LIPA: variants seen among roughly 807,000 people sequenced by gnomAD.
LIPA encodes lipase A, lysosomal acid type.
In LIPA, 26 loss-of-function variants were observed where a neutral mutation model predicts 40.6. The ratio of observed to expected loss-of-function variants is 0.64; its 90% CI spans 0.47 to 0.89. The LOEUF (loss-of-function observed/expected upper bound fraction) is 0.89. Among genes scored for constraint, LIPA ranks in the 40% least tolerant of loss-of-function variants. The pLI is 0.00. For missense variants in LIPA, 455 were observed against 479.6 expected (o/e 0.95, Z 0.48); for synonymous variants, 188 against 168.4 (o/e 1.12, Z -0.90).
At position 89,246,610 on chromosome 10, in the gene LIPA, G is replaced by C. The variant is rs181215490; in HGVS notation, c.112-817C>G. On this transcript the variant is annotated intron_variant, in intron 2 of 9. Coordinates refer to ENST00000336233, the MANE Select transcript of LIPA (RefSeq NM_000235.4). ...TCTCTGCGAGTCCCTAAGCTTGCCT[G>C]ATTCTTCAGCTGGGTCACTGCAACA... Among the ~76,000 whole-genome samples, 8 of 152,328 alleles carry C rather than the reference G, an allele frequency of 5.3e-5. 1 individual carries two copies. Among genetic ancestry groups the C allele is most frequent in the Admixed American group, 4.6e-4 (7 of 15,306 alleles).
At chr10:89,300,311 T>C (rs543686167) in intron 1 of LIPA, among the ~76,000 whole-genome samples, 97 of 152,162 alleles carry the variant, frequency 6.4e-4, no homozygotes, top group Non-Finnish European at 1.1e-3. Flanking sequence ...GGTACAAACA[T>C]GCCGTTAAAT....
At chr10:89,365,385 T>G (rs935270885) in intron 2 of LIPA, among the ~76,000 whole-genome samples, 1 of 152,242 alleles carries the variant, frequency 6.6e-6, no homozygotes, top group Admixed American at 6.5e-5. Flanking sequence ...AAAACTTTTC[T>G]CCCATTCTGT....
At chr10:89,353,744 T>C (rs944848385) in intron 2 of LIPA, among the ~76,000 whole-genome samples, 7 of 152,002 alleles carry the variant, frequency 4.6e-5, no homozygotes, top group Non-Finnish European at 2.9e-5. Context: ...ATCGAGACCA[T>C]CCTGGCTAAC....
intron 1 of LIPA, among the ~76,000 whole-genome samples, chr10:89,414,215 A>C (rs1589646850): frequency 6.6e-6 from 1 of 152,336 alleles, no homozygotes; most frequent in South Asian, 2.1e-4. Flanking sequence ...ATAGCATTGC[A>C]GTGTTGCTTG....
intron 2 of LIPA, among the ~76,000 whole-genome samples, chr10:89,388,223 C>T (rs752933528): frequency 1.1e-3 from 166 of 152,170 alleles, no homozygotes; most frequent in Non-Finnish European, 2.1e-3. Flanking sequence ...CTCCTGCCTC[C>T]GCCTCCTGAG....
intron 1 of LIPA, among the ~76,000 whole-genome samples, chr10:89,313,447 G>A (rs566166879): frequency 2.0e-5 from 3 of 152,270 alleles, no homozygotes; most frequent in Non-Finnish European, 4.4e-5. Flanking sequence ...TATGTTTAAT[G>A]TAAAATGGTG....
At chr10:89,337,184 T>C (rs2133561066) in intron 1 of LIPA, among the ~76,000 whole-genome samples, 1 of 152,312 alleles carries the variant, frequency 6.6e-6, no homozygotes, top group South Asian at 2.1e-4. Flanking sequence ...TTGGCAGACA[T>C]ATCTGGGCTT....
intron 2 of LIPA, among the ~76,000 whole-genome samples, chr10:89,369,061 T>C (rs1250206347): frequency 6.6e-6 from 1 of 152,148 alleles, no homozygotes; most frequent in East Asian, 1.9e-4. Context: ...AAGCTCAATG[T>C]CAATCTTTTT....
intron 2 of LIPA, among the ~76,000 whole-genome samples, chr10:89,373,933 C>CA (rs1844106778): frequency 6.6e-6 from 1 of 152,224 alleles, no homozygotes; most frequent in African/African-American, 2.4e-5. Context: ...AAACCATGCA[C>CA]AAAAAAATCA....
chr10:89,221,516 T>G (rs967464606), intron 8 of LIPA, among the ~76,000 whole-genome samples: 1 of 152,188 alleles, frequency 6.6e-6, no homozygotes, highest in African/African-American at 2.4e-5. Flanking sequence ...TATTAAATAG[T>G]GTACTTTTTA....
chr10:89,301,529 A>C (rs564552886), intron 1 of LIPA, among the ~76,000 whole-genome samples: 23 of 152,196 alleles, frequency 1.5e-4, no homozygotes, highest in African/African-American at 5.3e-4. Flanking sequence ...AGTTCTTCTA[A>C]CTCACTACGC....
intron 2 of LIPA, among the ~76,000 whole-genome samples, chr10:89,412,316 TAA>T (rs1841475331): frequency 6.6e-6 from 1 of 151,970 alleles, no homozygotes; most frequent in African/African-American, 2.4e-5. Context: ...TGTGTGTAGC[TAA>T]AAGTTTGTAA....
intron 1 of LIPA, among the ~76,000 whole-genome samples, chr10:89,335,178 G>A (rs1421409483): frequency 6.6e-6 from 1 of 152,090 alleles, no homozygotes; most frequent in Non-Finnish European, 1.5e-5. Flanking sequence ...GAGAATCAAG[G>A]GACCCAATTT....
intron 1 of LIPA, among the ~76,000 whole-genome samples, chr10:89,303,984 C>T (rs1843462141): frequency 6.6e-6 from 1 of 152,154 alleles, no homozygotes; most frequent in South Asian, 2.1e-4. Flanking sequence ...CTGAGCCCTC[C>T]AAGCTCCCCA....
At chr10:89,384,165 T>C (rs1297313859) in intron 2 of LIPA, 1 of 1,614,220 alleles carries the variant, frequency 6.2e-7, no homozygotes, top group East Asian at 2.2e-5. Context: ...CACCCACTTC[T>C]GCCTTCCTGC....
intron 1 of LIPA, among the ~76,000 whole-genome samples, chr10:89,311,307 G>C (rs1054772034): frequency 1.3e-5 from 2 of 152,020 alleles, no homozygotes; most frequent in Non-Finnish European, 2.9e-5. Flanking sequence ...TAGATCACCT[G>C]AGGTCAGGAG....
intron 2 of LIPA, chr10:89,393,164 A>C (rs1221054266): frequency 7.7e-7 from 1 of 1,290,886 alleles, no homozygotes; most frequent in Admixed American, 2.3e-5. Context: ...TCAGTCTTGC[A>C]GCCTCTCTGA....
intron 3 of LIPA, among the ~76,000 whole-genome samples, chr10:89,230,264 C>T (rs1364133008): frequency 1.3e-5 from 2 of 152,148 alleles, no homozygotes; most frequent in African/African-American, 4.8e-5. Context: ...AAAGTACCTC[C>T]ATGGAGCTGA....
intron 1 of LIPA, chr10:89,327,845 A>G (rs1843614175): frequency 1.9e-6 from 1 of 537,290 alleles, no homozygotes; most frequent in Non-Finnish European, 3.3e-6. Context: ...GTTAGGTTTC[A>G]TTTTCCTCCT....
Sources: gnomAD v4.1 joint callset for allele counts (sites outside exome capture counted in the v4.1 genomes callset) on GRCh38, gnomAD v4.1.1 for gene constraint, MANE v1.5 for transcripts, NCBI Gene and HGNC (gene_info 2026-07-23, HGNC 2026-07-21) for gene names.